The following ANK3 variants were observed in gnomAD, a reference collection of about 807,000 sequenced individuals.
The protein encoded by ANK3 is ankyrin 3.
ANK3 carries 57 observed loss-of-function variants against 370.9 expected under a neutral mutation model. That is an observed-to-expected ratio of 0.15 (90% CI 0.12 to 0.19). ANK3 has a LOEUF of 0.19. Ranked by LOEUF, ANK3 falls within the 10% of genes least tolerant of loss-of-function variation. The pLI is 1.00. For synonymous variants in ANK3, 1,929 were observed against 1,946.3 expected, an observed-to-expected ratio of 0.99 and a Z score of 0.23; for missense variants, 4,439 against 5,302.1, an observed-to-expected ratio of 0.84 and a Z score of 5.06.
intron 18 of ANK3, among the ~76,000 whole-genome samples, chr10:60,180,490 G>A (rs1211877708): frequency 6.7e-6 from 1 of 149,572 alleles, no homozygotes; most frequent in African/African-American, 2.5e-5. Context: ...CAGCTACTCG[G>A]GAGGCTGAGG....
chr10:60,149,603 G>A lies in ANK3; in HGVS notation c.2615-10516C>T, dbSNP rs193013453. Among the ~76,000 whole-genome samples, 860 of 152,286 alleles carry A rather than the reference G, an allele frequency of 5.6e-3. 5 individuals are homozygous for A. Among genetic ancestry groups the A allele is most frequent in the Non-Finnish European group, 8.9e-3 (608 of 68,016 alleles). The stretch of plus-strand genomic sequence containing the variant: ...CTTGGAGGAAAAAAATATACTCGCT[G>A]TGACCTTCCCTACCTACACTAGAAC... On this transcript the variant is annotated intron_variant, in intron 23 of 43. Coordinates refer to ENST00000280772, the MANE Select transcript of ANK3 (RefSeq NM_020987.5).
chr10:60,722,776 GT>G (rs2079882498), intron 1 of ANK3, among the ~76,000 whole-genome samples: 1 of 152,108 alleles, frequency 6.6e-6, no homozygotes, highest in Admixed American at 6.5e-5. Flanking sequence ...GGGAGATCTG[GT>G]TGTTTAAAAG....
chr10:60,297,060 T>C (rs1472361012), intron 1 of ANK3, among the ~76,000 whole-genome samples: 1 of 152,212 alleles, frequency 6.6e-6, no homozygotes, highest in East Asian at 1.9e-4. Context: ...TTTCAAAATA[T>C]GACAATAATC....
At chr10:60,526,136 T>C (rs2076464867) in intron 2 of ANK3, among the ~76,000 whole-genome samples, 1 of 152,132 alleles carries the variant, frequency 6.6e-6, no homozygotes, top group Admixed American at 6.6e-5. Flanking sequence ...TATTTTTCAC[T>C]TGCATAATTC....
rs567304545 is a variant in ANK3 at position 60,592,756 on chromosome 10, C to T, written c.96+22430G>A. 1.4e-4 allele frequency among the ~76,000 whole-genome samples: 22 copies of T among 152,154 alleles called. No homozygotes were observed. The East Asian group carries it at 2.7e-3, about 19-fold the overall frequency. On this transcript the variant is annotated intron_variant, in intron 2 of 43. Coordinates refer to the ANK3 transcript ENST00000373827. Reference sequence around the variant, plus strand: ...CCAGCCTGGGCGACAGAGTGAGACTCCGTTTCAAAAAAAGAAAAAAAGAAA... The same window carrying T: ...CCAGCCTGGGCGACAGAGTGAGACTTCGTTTCAAAAAAAGAAAAAAAGAAA...
chr10:60,588,050 AAGAG>A (rs2077856245), intron 2 of ANK3, among the ~76,000 whole-genome samples: 1 of 152,086 alleles, frequency 6.6e-6, no homozygotes, highest in Admixed American at 6.5e-5. Flanking sequence ...ACATCACAAA[AAGAG>A]AGACAGCTAG....
intron 17 of ANK3, among the ~76,000 whole-genome samples, chr10:60,183,762 G>A (rs541930456): frequency 6.6e-6 from 1 of 151,932 alleles, no homozygotes; most frequent in African/African-American, 2.4e-5. Flanking sequence ...GGAGGCTGAG[G>A]CAGAAGAATC....
At chr10:60,285,722 C>G (rs2098234305) in intron 1 of ANK3, among the ~76,000 whole-genome samples, 1 of 152,140 alleles carries the variant, frequency 6.6e-6, no homozygotes, top group Non-Finnish European at 1.5e-5. Flanking sequence ...ATCCTCACCC[C>G]AAGACATTTC....
intron 1 of ANK3, among the ~76,000 whole-genome samples, chr10:60,644,801 A>T (rs1235240209): frequency 6.6e-6 from 1 of 151,292 alleles, no homozygotes; most frequent in Non-Finnish European, 1.5e-5. Flanking sequence ...CAATTTTAAA[A>T]TCAATAAGAA....
At chr10:60,723,764 T>A (rs1394560120) in intron 1 of ANK3, among the ~76,000 whole-genome samples, 5 of 152,078 alleles carry the variant, frequency 3.3e-5, no homozygotes, top group Non-Finnish European at 5.9e-5. Context: ...TTATAGCCAT[T>A]TTCTATAACT....
upstream of ANK3, among the ~76,000 whole-genome samples, chr10:60,390,697 G>T (rs558975640): frequency 1.3e-5 from 2 of 149,732 alleles, no homozygotes; most frequent in Admixed American, 6.7e-5. Context: ...GTCAGGCTGG[G>T]CCTAAAACAT....
At chr10:60,474,549 A>C (rs532092498) in intron 2 of ANK3, among the ~76,000 whole-genome samples, 3 of 152,320 alleles carry the variant, frequency 2.0e-5, no homozygotes, top group Non-Finnish European at 2.9e-5. Context: ...AAAGATGTGC[A>C]ATAAAACAGT....
At chr10:60,286,765 C>A (rs2040115803) in intron 1 of ANK3, among the ~76,000 whole-genome samples, 4 of 152,112 alleles carry the variant, frequency 2.6e-5, no homozygotes, top group African/African-American at 9.7e-5. Flanking sequence ...GTCTTTAATG[C>A]CTGGATTAAT....
At chr10:60,289,249 T>TCATCTATG (rs1281101313) in intron 1 of ANK3, among the ~76,000 whole-genome samples, 1 of 150,488 alleles carries the variant, frequency 6.6e-6, no homozygotes, top group Non-Finnish European at 1.5e-5. Flanking sequence ...CGACCCTTTT[T>TCATCTATG]CATCTATGCC....
intron 1 of ANK3, among the ~76,000 whole-genome samples, chr10:60,383,632 A>G (rs989646874): frequency 6.6e-6 from 1 of 152,148 alleles, no homozygotes; most frequent in African/African-American, 2.4e-5. Flanking sequence ...ATGTAAACAC[A>G]TAATTATGGT....
At chr10:60,514,838 T>C (rs2076177181) in intron 2 of ANK3, among the ~76,000 whole-genome samples, 1 of 152,128 alleles carries the variant, frequency 6.6e-6, no homozygotes, top group Non-Finnish European at 1.5e-5. Context: ...TCAAAAGTGA[T>C]TTAATAAAAA....
chr10:60,113,566 C>T (rs989907780), intron 26 of ANK3, among the ~76,000 whole-genome samples: 1 of 152,058 alleles, frequency 6.6e-6, no homozygotes, highest in Admixed American at 6.6e-5. Context: ...AAAAATTATC[C>T]GAGCATGGTG....
rs184818602 is a variant in ANK3 at position 60,085,766 on chromosome 10, C to T, written c.3749-513G>A. On this transcript the variant is annotated intron_variant, in intron 30 of 43. Coordinates refer to ENST00000280772, the MANE Select transcript of ANK3 (RefSeq NM_020987.5). ...CAGTAGCTGGGATTACAGGTGCCTG[C>T]GACCACGCCCAGCTAAGTTTTGTAT... 9.5e-4 allele frequency among the ~76,000 whole-genome samples: 144 copies of T among 152,186 alleles called. 1 individual carries two copies. The highest frequency in any genetic ancestry group is 6.8e-3 in the Middle Eastern group (2 of 294).
intron 28 of ANK3, among the ~76,000 whole-genome samples, chr10:60,097,455 AG>A (rs1169064820): frequency 6.6e-6 from 1 of 152,240 alleles, no homozygotes; most frequent in Non-Finnish European, 1.5e-5. Context: ...CTTGCCTCAT[AG>A]ATAAATGATA....
Sources: allele counts gnomAD v4.1 joint callset (sites outside exome capture counted in the v4.1 genomes callset), GRCh38; gene constraint gnomAD v4.1.1; transcripts MANE v1.5; gene names NCBI Gene and HGNC (gene_info 2026-07-23, HGNC 2026-07-21).